RADIL: variants seen among roughly 807,000 people sequenced by gnomAD.
RADIL encodes ras-associating and dilute domain-containing protein.
Under a neutral mutation model 97.6 loss-of-function variants are expected in RADIL, and 99 were observed. The observed-to-expected ratio is 1.01, with a 90% CI of 0.86 to 1.20. RADIL has a LOEUF of 1.20. Ranked by LOEUF, RADIL falls within the 50% of genes most tolerant of loss-of-function variation. The pLI is 0.00. For synonymous variants in RADIL, 803 were observed against 691.8 expected, an observed-to-expected ratio of 1.16 and a Z score of -2.52; for missense variants, 1,765 against 1,498.9, an observed-to-expected ratio of 1.18 and a Z score of -2.93.
chr7:4,850,491 G>T (rs891566387), intron 2 of RADIL, among the ~76,000 whole-genome samples: 1 of 152,170 alleles, frequency 6.6e-6, no homozygotes, highest in Non-Finnish European at 1.5e-5. Flanking sequence ...ACCTAATTAC[G>T]TGTGCTCCTT....
intron 2 of RADIL, among the ~76,000 whole-genome samples, chr7:4,864,001 C>CA (rs916159063): frequency 6.6e-6 from 1 of 152,050 alleles, no homozygotes; most frequent in African/African-American, 2.4e-5. Flanking sequence ...GCTATGCATT[C>CA]AAAAAAATGA....
intron 9 of RADIL, among the ~76,000 whole-genome samples, chr7:4,806,870 A>G (rs1208930917): frequency 6.6e-6 from 1 of 152,158 alleles, no homozygotes; most frequent in Admixed American, 6.5e-5. Context: ...GCTCGTCCAA[A>G]GCAACCTGAG....
chr7:4,820,185 C>T (rs576059871), intron 6 of RADIL, among the ~76,000 whole-genome samples: 52 of 152,376 alleles, frequency 3.4e-4, no homozygotes, highest in African/African-American at 1.2e-3. Context: ...GTGAGGGTCA[C>T]CCTTGGCCGG....
intron 2 of RADIL, among the ~76,000 whole-genome samples, chr7:4,838,631 A>C (rs1253216217): frequency 6.6e-6 from 1 of 152,082 alleles, no homozygotes; most frequent in Non-Finnish European, 1.5e-5. Flanking sequence ...CGCAGGGGCC[A>C]CTCCCAGGGT....
rs952761252 is a variant in RADIL at position 4,834,306 on chromosome 7, G to A, written c.1416+301C>T. On this transcript the variant is annotated intron_variant, in intron 4 of 14. Coordinates refer to ENST00000399583, the MANE Select transcript of RADIL (RefSeq NM_018059.5). The surrounding 1 kb of genome is among the most constrained non-coding windows in gnomAD (Gnocchi z 6.0). ...CTCACTCCTGGCACGTGACAGTGCT[G>A]GGCCCAGCTGGACCCCAGGGAGGGT... 2.0e-5 allele frequency among the ~76,000 whole-genome samples: 3 copies of A among 152,128 alleles called. No individual in the cohort carries two copies. The highest frequency in any genetic ancestry group is 2.9e-5 in the Non-Finnish European group (2 of 68,012).
chr7:4,831,738 A>AT, intron 5 of RADIL, among the ~76,000 whole-genome samples: 1 of 151,580 alleles, frequency 6.6e-6, no homozygotes, highest in Middle Eastern at 3.4e-3. Flanking sequence ...AAAAAAAAAA[A>AT]TTAGCCAGGC....
intron 2 of RADIL, chr7:4,857,729 TC>T (rs1783868034): frequency 6.6e-6 from 1 of 152,654 alleles, no homozygotes; most frequent in South Asian, 2.1e-4. Flanking sequence ...TATTTTAGTT[TC>T]ACTTTGCTTG....
intron 2 of RADIL, chr7:4,860,440 G>T (rs1399207021): frequency 6.2e-7 from 1 of 1,614,020 alleles, no homozygotes; most frequent in African/African-American, 1.3e-5. Context: ...TATCATAGGT[G>T]AGATCAATGC....
intron 2 of RADIL, among the ~76,000 whole-genome samples, chr7:4,853,294 T>C (rs1316907981): frequency 1.3e-5 from 2 of 152,166 alleles, no homozygotes; most frequent in African/African-American, 2.4e-5. Context: ...TTTGCAGATA[T>C]GTAAATAAGT....
intron 2 of RADIL, chr7:4,838,044 C>T (rs957413444): frequency 1.0e-6 from 1 of 985,358 alleles, no homozygotes; most frequent in Non-Finnish European, 1.2e-6. Flanking sequence ...AGGCAGCCGG[C>T]AGCCTGTGCA....
Position 4,865,356 on chromosome 7 carries a change from T to C in RADIL, c.535+12249A>G, listed in dbSNP as rs74477990. On this transcript the variant is annotated intron_variant, in intron 2 of 14. Coordinates refer to ENST00000399583, the MANE Select transcript of RADIL (RefSeq NM_018059.5). The stretch of plus-strand genomic sequence containing the variant: ...TATTGTATTTTTACTGTTTCTTTTC[T>C]GTGTGGTTTTTTTTTGTTGTTGTTC... 5,150 of 584,898 alleles carry C rather than the reference T, an allele frequency of 8.8e-3. 191 individuals are homozygous for C. Among genetic ancestry groups the C allele is most frequent in the African/African-American group, 0.086 (4,566 of 52,868 alleles). The allele number at this position is 584,898 out of a possible 1,614,324, so 36.2% of individuals were successfully genotyped here.
At chr7:4,859,957 T>C in intron 2 of RADIL, 2 of 1,614,036 alleles carry the variant, frequency 1.2e-6, no homozygotes, top group Non-Finnish European at 1.7e-6. Context: ...TTATGAGACA[T>C]GTTGAAGAAA....
At chr7:4,864,625 T>C (rs1299242141) in intron 2 of RADIL, among the ~76,000 whole-genome samples, 2 of 152,238 alleles carry the variant, frequency 1.3e-5, no homozygotes, top group Non-Finnish European at 2.9e-5. Context: ...CATCTCTTTC[T>C]ACCCAACTCT....
intron 2 of RADIL, among the ~76,000 whole-genome samples, chr7:4,839,619 T>C (rs2115007852): frequency 6.6e-6 from 1 of 152,306 alleles, no homozygotes; most frequent in East Asian, 1.9e-4. Context: ...TAACTTTATA[T>C]CATGTTTGAC....
chr7:4,861,790 T>A, intron 2 of RADIL: 1 of 1,468,166 alleles, frequency 6.8e-7, no homozygotes, highest in Non-Finnish European at 9.0e-7. Context: ...GTCCCTGGGT[T>A]GTCACCGGAA....
At chr7:4,809,165 A>G (rs896211792) in intron 9 of RADIL, 1 of 984,522 alleles carries the variant, frequency 1.0e-6, no homozygotes, top group Non-Finnish European at 1.2e-6. Flanking sequence ...CTTCTGGAAG[A>G]CCCCTGGCGC....
chr7:4,826,676 T>C (rs954910292), intron 5 of RADIL, among the ~76,000 whole-genome samples: 2 of 146,080 alleles, frequency 1.4e-5, no homozygotes, highest in African/African-American at 5.1e-5. Flanking sequence ...GAGGTTGCAG[T>C]GAGCTGAGAT....
In RADIL at chr7:4,836,411, A is replaced by C. The variant is rs754584174; in HGVS notation, c.730T>G (p.Ser244Ala). 1 of 1,582,544 alleles carries C rather than the reference A, an allele frequency of 6.3e-7. No homozygotes were observed. The highest frequency in any genetic ancestry group is 8.6e-7 in the Non-Finnish European group (1 of 1,164,454). The stretch of plus-strand genomic sequence containing the variant: ...AGCAGATGCGGGGACTGGTACAGCG[A>C]GTACCGCATGGCGTCGGGGCCGGGC... ...EEPGPDAMRY[S>A]LYQSPHLLLL... Residue 244 changes from serine (S) to alanine (A), a missense_variant, in exon 3 of 15, where the codon TCG (serine) becomes GCG (alanine). Coordinates refer to ENST00000399583, the MANE Select transcript of RADIL (RefSeq NM_018059.5).
At chr7:4,811,479 CTTTTTT>C (rs35136302) in intron 9 of RADIL, among the ~76,000 whole-genome samples, 2 of 59,046 alleles carry the variant, frequency 3.4e-5, no homozygotes, top group Non-Finnish European at 6.2e-5. Context: ...GGTATTATTT[CTTTTTT>C]TTTTTTTTTT....
Sources: gnomAD v4.1 joint callset for allele counts (sites outside exome capture counted in the v4.1 genomes callset) on GRCh38, gnomAD v4.1.1 for gene constraint, Gnocchi (gnomAD v3.1) non-coding constraint, MANE v1.5 for transcripts, NCBI Gene and HGNC (gene_info 2026-07-23, HGNC 2026-07-21) for gene names.